PAPPA: variants seen among roughly 807,000 people sequenced by gnomAD.
PAPPA encodes pappalysin 1, also known as pappalysin-1.
In PAPPA, 60 loss-of-function variants were observed where a neutral mutation model predicts 164.0. The observed-to-expected ratio is 0.37, with a 90% CI of 0.30 to 0.45. The LOEUF (loss-of-function observed/expected upper bound fraction) is 0.45. PAPPA is among the 20% of genes least tolerant of loss of function. The pLI, the probability that PAPPA is intolerant of heterozygous loss-of-function variation, is 1.00. For synonymous variants in PAPPA, 875 were observed against 814.1 expected (o/e 1.07, Z -1.27); for missense variants, 1,782 against 2,087.3 (o/e 0.85, Z 2.85).
intron 13 of PAPPA, among the ~76,000 whole-genome samples, chr9:116,339,700 C>T (rs924000346): frequency 3.2e-4 from 49 of 152,300 alleles, no homozygotes; most frequent in African/African-American, 1.2e-3. Context: ...ATCTCTGCTT[C>T]CCTGTGGCAT....
chr9:116,360,745 T>C (rs1846415860), intron 17 of PAPPA, among the ~76,000 whole-genome samples: 1 of 152,182 alleles, frequency 6.6e-6, no homozygotes, highest in South Asian at 2.1e-4. Flanking sequence ...AAAATATCTA[T>C]TAAGTGATGA....
intron 2 of PAPPA, among the ~76,000 whole-genome samples, chr9:116,195,524 T>C (rs1844094074): frequency 6.6e-6 from 1 of 152,230 alleles, no homozygotes; most frequent in South Asian, 2.1e-4. Context: ...TGCACAGGTC[T>C]CTTCCTTTGT....
chr9:116,366,939 G>C (rs1364820904), intron 18 of PAPPA, among the ~76,000 whole-genome samples: 2 of 152,166 alleles, frequency 1.3e-5, no homozygotes, highest in Non-Finnish European at 2.9e-5. Context: ...ATGAAACCCT[G>C]GGGCAAGAGA....
At position 116,353,631 on chromosome 9, in the gene PAPPA, C is replaced by G. The variant is rs1458891213; in HGVS notation, c.4185C>G (p.Phe1395Leu). 6.2e-7 allele frequency: 1 copy of G among 1,613,650 alleles called. No individual in the cohort carries two copies. Among genetic ancestry groups the G allele is most frequent in the African/African-American group, 1.3e-5 (1 of 74,858 alleles). ...GATCCTTTCCTTGAAGACGGGCCTT[C>G]AAGACTCAGTGTACCCAGGATGGCA... ...GSSRKSKKRAFKTQCTQDGSW... is the reference protein window; with the variant it reads ...GSSRKSKKRALKTQCTQDGSW... The change falls in exon 17 of 22, where the codon TTC becomes TTG. Residue 1395 changes from phenylalanine (F) to leucine (L), a missense_variant. Phe to Leu is a conservative substitution (Grantham distance 22, BLOSUM62 0). This residue lies in a region of PAPPA where 1,324 missense variants were observed against 1,656.9 expected (regional missense o/e 0.80). Transcript: ENST00000328252.
intron 1 of PAPPA, among the ~76,000 whole-genome samples, chr9:116,160,157 G>A (rs1174449881): frequency 2.0e-5 from 3 of 152,182 alleles, no homozygotes. Flanking sequence ...GTTCTGCAGA[G>A]GCCCAAAGGG....
chr9:116,342,166 G>A (rs865813521), intron 13 of PAPPA, among the ~76,000 whole-genome samples: 34 of 152,202 alleles, frequency 2.2e-4, no homozygotes, highest in Admixed American at 2.0e-3. Flanking sequence ...GGTCAGAACA[G>A]CTTGGGAGCT....
chr9:116,230,228 C>G (rs1229971791), intron 6 of PAPPA, among the ~76,000 whole-genome samples: 5 of 152,186 alleles, frequency 3.3e-5, no homozygotes, highest in Non-Finnish European at 7.3e-5. Context: ...CCTTTTGGCT[C>G]AGACCCTTTT....
chr9:116,297,428 T>G (rs1292285185), intron 9 of PAPPA, among the ~76,000 whole-genome samples: 1 of 152,216 alleles, frequency 6.6e-6, no homozygotes, highest in Non-Finnish European at 1.5e-5. Flanking sequence ...TATCTTGTAC[T>G]GAGAAGACAC....
chr9:116,256,023 G>C (rs898418933), intron 7 of PAPPA, among the ~76,000 whole-genome samples: 14 of 149,090 alleles, frequency 9.4e-5, no homozygotes, highest in African/African-American at 3.4e-4. Context: ...AAAAAAAAAA[G>C]ATTCCAGGTT....
At chr9:116,235,012 C>G in intron 6 of PAPPA, 127 bp from the exon 7 acceptor site, 1 of 1,007,424 alleles carries the variant, frequency 9.9e-7, no homozygotes, top group Non-Finnish European at 1.5e-6. Flanking sequence ...CACCAAGAAC[C>G]TTCCTCTCCT....
intron 5 of PAPPA, among the ~76,000 whole-genome samples, chr9:116,226,745 C>A (rs1223403824): frequency 6.6e-6 from 1 of 152,168 alleles, no homozygotes; most frequent in African/African-American, 2.4e-5. Context: ...TACACAAGAC[C>A]CAACTTGGTA....
chr9:116,290,389 C>A (rs1845421562), intron 9 of PAPPA, among the ~76,000 whole-genome samples: 1 of 150,554 alleles, frequency 6.6e-6, no homozygotes, highest in African/African-American at 2.4e-5. Flanking sequence ...CATGTTTCCC[C>A]TCTTAACTGA....
chr9:116,207,407 T>TTATTTAAATAG (rs11268296), intron 2 of PAPPA, 49 bp from the exon 3 acceptor site: 684,702 of 1,505,414 alleles, frequency 0.45, 166,284 homozygotes, highest in East Asian at 0.79. Flanking sequence ...AGAGGGCCTG[T>TTATTTAAATAG]TATCTTTTTG....
At chr9:116,163,299 G>T (rs1372076990) in intron 1 of PAPPA, among the ~76,000 whole-genome samples, 2 of 152,176 alleles carry the variant, frequency 1.3e-5, no homozygotes, top group African/African-American at 4.8e-5. Context: ...TGGGGATGCA[G>T]GAGGAGAGAG....
intron 10 of PAPPA, among the ~76,000 whole-genome samples, chr9:116,314,056 G>A (rs7038849): frequency 0.14 from 17,713 of 126,254 alleles, 1,636 homozygotes; most frequent in African/African-American, 0.22. Context: ...TCATTGCATC[G>A]AATCTTTTTT....
At chr9:116,185,047 T>G (rs573402049) in intron 1 of PAPPA, among the ~76,000 whole-genome samples, 2 of 152,306 alleles carry the variant, frequency 1.3e-5, no homozygotes, top group East Asian at 3.9e-4. Flanking sequence ...GAATAATCAC[T>G]ATTCACAGGG....
intron 6 of PAPPA, among the ~76,000 whole-genome samples, chr9:116,229,081 A>G (rs1308059543): frequency 6.6e-6 from 1 of 152,206 alleles, no homozygotes; most frequent in Non-Finnish European, 1.5e-5. Flanking sequence ...GAACAGGCTT[A>G]TGGTAATAGA....
At chr9:116,362,835 T>G in intron 18 of PAPPA, 96 bp downstream of exon 18, 1 of 1,212,448 alleles carries the variant, frequency 8.2e-7, no homozygotes, top group South Asian at 1.5e-5. Context: ...CCTGGCCACA[T>G]GAGTTCCTGC....
rs768859824 is a variant in PAPPA at position 116,184,324 on chromosome 9, T to C, written c.416-2830T>C. Among the ~76,000 whole-genome samples the C allele has an allele frequency of 5.3e-5, 8 of 152,356 alleles. No homozygotes were observed. In the South Asian group the frequency reaches 1.0e-3, roughly 20 times the overall value. On this transcript the variant is annotated intron_variant, in intron 1 of 21. Transcript: ENST00000328252. The stretch of plus-strand genomic sequence containing the variant: ...TAATATGTAGTCTCATGATATCATC[T>C]AAGCTGACGGGATCTATGATTTCTA...
Sources: allele counts gnomAD v4.1 joint callset (sites outside exome capture counted in the v4.1 genomes callset), GRCh38; gene constraint gnomAD v4.1.1; regional missense constraint gnomAD v4.1.1; transcripts MANE v1.5; gene names NCBI Gene and HGNC (gene_info 2026-07-23, HGNC 2026-07-21).